Variants in PXDN observed in about 807,000 individuals in gnomAD.
PXDN encodes peroxidasin, also known as peroxidasin homolog.
In PXDN, 77 loss-of-function variants were observed where a neutral mutation model predicts 140.3. That is an observed-to-expected ratio of 0.55 (90% CI 0.46 to 0.66). PXDN has a LOEUF of 0.66. Ranked by LOEUF, PXDN falls within the 30% of genes least tolerant of loss-of-function variation. PXDN has a pLI of 0.00. For missense variants in PXDN, 1,838 were observed against 2,039.5 expected, an observed-to-expected ratio of 0.90 and a Z score of 1.90; for synonymous variants, 911 against 857.4, an observed-to-expected ratio of 1.06 and a Z score of -1.09.
intron 1 of PXDN, among the ~76,000 whole-genome samples, chr2:1,718,984 G>A (rs1684954944): frequency 6.6e-6 from 1 of 152,222 alleles, no homozygotes; most frequent in African/African-American, 2.4e-5. Context: ...GCATGTGAGG[G>A]GCACACCCAG....
chr2:1,635,424 G>A lies in PXDN; in HGVS notation c.4304C>T (p.Thr1435Ile). The stretch of plus-strand genomic sequence containing the variant: ...CATACTCACTTTGCATTCACAAATG[G>A]TGCATGCATCTTTTTTCCACTTGGT... The part of the protein sequence containing the change: ...NNTKWKKDAC[T>I]ICECKDGQVT... The change falls in exon 22 of 23, where the codon ACC becomes ATC. Residue 1435 changes from threonine to isoleucine, a missense_variant. Physicochemically the swap from Thr to Ile is moderately conservative, Grantham distance 89. Transcript: ENST00000252804. The A allele has an allele frequency of 6.3e-7, 1 of 1,591,496 alleles. No individual in the cohort carries two copies. Among genetic ancestry groups the A allele is most frequent in the Non-Finnish European group, 8.6e-7 (1 of 1,167,702 alleles).
chr2:1,705,875 G>A (rs1462019074), intron 1 of PXDN, among the ~76,000 whole-genome samples: 1 of 152,164 alleles, frequency 6.6e-6, no homozygotes, highest in East Asian at 1.9e-4. Context: ...GACGCGTGGA[G>A]TGTCACCAGC....
chr2:1,736,417 C>T (rs946954985), intron 1 of PXDN, among the ~76,000 whole-genome samples: 53 of 152,138 alleles, frequency 3.5e-4, no homozygotes, highest in Non-Finnish European at 3.5e-4. Context: ...GATGGAGGGA[C>T]GGCCAGTCAG....
At chr2:1,659,574 T>C (rs190755697) in intron 14 of PXDN, among the ~76,000 whole-genome samples, 1 of 152,308 alleles carries the variant, frequency 6.6e-6, no homozygotes, top group East Asian at 1.9e-4. Flanking sequence ...AATGATGGTA[T>C]TTTTGGGGGA....
rs1043315994 is a variant in PXDN, at chr2:1,634,218, C to A, written c.4426G>T (p.Glu1476Ter). ...CTCCCAGGAGCCTAGGGCTTTTCCT[C>A]CGCCCTCTTCTGTAAGCAGACTGGA... ...CCPVCLQKRA[E>*]EKP is the part of the protein sequence containing the mutation. The change falls in exon 23 of 23, where the codon GAG becomes TAG. Residue 1476 changes from glutamate (E) to a stop codon, truncating the protein, a stop_gained. Transcript: ENST00000252804. LOFTEE classifies it high-confidence loss of function. 3 of 1,590,304 alleles carry A rather than the reference C, an allele frequency of 1.9e-6. No homozygotes were observed. The South Asian group carries it at 3.5e-5, about 18-fold the overall frequency.
intron 1 of PXDN, among the ~76,000 whole-genome samples, chr2:1,708,184 T>A (rs1219258245): frequency 6.6e-6 from 1 of 152,254 alleles, no homozygotes; most frequent in Non-Finnish European, 1.5e-5. Flanking sequence ...GCTGTCGGCA[T>A]GTGCCCTGGC....
intron 3 of PXDN, among the ~76,000 whole-genome samples, chr2:1,689,887 T>C (rs1684148465): frequency 6.6e-6 from 1 of 151,988 alleles, no homozygotes; most frequent in Non-Finnish European, 1.5e-5. Context: ...TCTCAAGAAA[T>C]AATTTCATTA....
chr2:1,675,958 C>G (rs377498804), intron 8 of PXDN, among the ~76,000 whole-genome samples: 4 of 152,130 alleles, frequency 2.6e-5, no homozygotes, highest in Admixed American at 1.3e-4. Context: ...GCTGTCCTCA[C>G]GCAGGCAGAT....
At position 1,649,052 on chromosome 2, in the gene PXDN, T is replaced by C. The variant is rs1682936967; in HGVS notation, c.2728A>G (p.Ile910Val). 6.2e-7 allele frequency: 1 copy of C among 1,612,184 alleles called. No homozygotes were observed. Among genetic ancestry groups the C allele is most frequent in the Non-Finnish European group, 8.5e-7 (1 of 1,179,530 alleles). ...CTCCCGTACACGTTGGATGCGTCTA[T>C]GTAGGAGGTGAGCTGGTTGATCTGC... ...REQINQLTSY[I>V]DASNVYGSTE... Residue 910 changes from isoleucine to valine, a missense_variant, in exon 17 of 23, where the codon ATA (isoleucine) becomes GTA (valine). Transcript: ENST00000252804. This position sits in a 1 kb window ranked among gnomAD's most constrained non-coding sequence, Gnocchi z 7.1.
At chr2:1,676,854 T>C (rs890467647) in intron 8 of PXDN, 73 bp downstream of exon 8, 9 of 1,364,956 alleles carry the variant, frequency 6.6e-6, no homozygotes, top group South Asian at 3.7e-5. Flanking sequence ...TGGTGGGGAG[T>C]GAGGTGTGGT....
chr2:1,733,298 A>G (rs1243668681), intron 1 of PXDN, among the ~76,000 whole-genome samples: 1 of 152,194 alleles, frequency 6.6e-6, no homozygotes, highest in Admixed American at 6.5e-5. Context: ...ACACAGAGAA[A>G]ACCACACCAA....
chr2:1,738,290 A>G (rs1318062586), intron 1 of PXDN, among the ~76,000 whole-genome samples: 2 of 152,212 alleles, frequency 1.3e-5, no homozygotes, highest in Non-Finnish European at 2.9e-5. Context: ...ACTAAAGACC[A>G]GAGGCCAGCA....
rs181244290 is a variant in PXDN, at chr2:1,741,690, G to A, written c.200+2566C>T. 4.8e-3 allele frequency among the ~76,000 whole-genome samples: 725 copies of A among 152,110 alleles called. 6 individuals carry two copies. The highest frequency in any genetic ancestry group is 7.4e-3 in the Non-Finnish European group (500 of 68,004). On this transcript the variant is annotated intron_variant, in intron 1 of 22. Transcript: ENST00000252804. ...GGTGAGTCTCTAAAAGCAAAGGGAC[G>A]GTGTGATGGTTGGATGAGCCAACTA...
At position 1,674,885 on chromosome 2, in the gene PXDN, G is replaced by A. The variant is rs138928595; in HGVS notation, c.849-1073C>T. Among the ~76,000 whole-genome samples, 561 of 152,226 alleles carry A rather than the reference G, an allele frequency of 3.7e-3. 5 individuals carry two copies. The highest frequency in any genetic ancestry group is 5.5e-3 in the Non-Finnish European group (376 of 68,004). ...TCCACGCGAGTTTCCTAAGGAGCCT[G>A]TGCAGCCTGGACCAAGCTGGGTCGC... is the stretch of plus-strand genomic sequence containing the variant. On this transcript the variant is annotated intron_variant, in intron 8 of 22. Transcript: ENST00000252804.
rs906446489 is a variant in PXDN, at chr2:1,744,397, C to G, written c.59G>C (p.Cys20Ser). 1.7e-5 allele frequency: 26 copies of G among 1,520,106 alleles called. No individual in the cohort carries two copies. The highest frequency in any genetic ancestry group is 2.0e-5 in the Non-Finnish European group (23 of 1,140,834). 94.2% of individuals were successfully genotyped at this position (1,520,106 alleles called of 1,614,324 possible). Residue 20 changes from cysteine (C) to serine (S), a missense_variant, in exon 1 of 23, where the codon TGC becomes TCC. Transcript: ENST00000252804. ...CACCACGGCCAGCGTCCCCCAGGCG[C>G]AGAACAGCACGAGCGCCAACAGGCA... is the stretch of plus-strand genomic sequence containing the variant. The part of the protein sequence containing the change: ...RRCLLALVLF[C>S]AWGTLAVVAQ...
chr2:1,680,123 T>C, intron 7 of PXDN, 70 bp downstream of exon 7: 1 of 1,431,786 alleles, frequency 7.0e-7, no homozygotes, highest in Non-Finnish European at 9.4e-7. Flanking sequence ...GTGTAGATGG[T>C]GTGTGTGTGG....
Position 1,664,991 on chromosome 2 carries a change from T to C in PXDN, c.1375A>G (p.Asn459Asp). The change falls in exon 11 of 23, where the codon AAC (asparagine) becomes GAC (aspartate). Residue 459 changes from asparagine to aspartate, a missense_variant. Asn to Asp is a conservative substitution (Grantham distance 23). This residue lies in a region of PXDN where 537 missense variants were observed against 583.9 expected (regional missense o/e 0.92). Coordinates refer to ENST00000252804, the MANE Select transcript of PXDN (RefSeq NM_012293.3). ...TVDFQCEAKG[N>D]PPPVIAWTKG... ...GTCCAGGCGATGACGGGCGGCGGGTTGCCCTTGGCTTCACACTGGAAATCC... is the reference window on the plus strand; with the variant it reads ...GTCCAGGCGATGACGGGCGGCGGGTCGCCCTTGGCTTCACACTGGAAATCC... The C allele has an allele frequency of 6.2e-7, 1 of 1,612,438 alleles. No individual in the cohort carries two copies. The highest frequency in any genetic ancestry group is 8.5e-7 in the Non-Finnish European group (1 of 1,179,234).
chr2:1,635,710 C>A, intron 21 of PXDN, 189 bp from the exon 22 acceptor site: 1 of 596,844 alleles, frequency 1.7e-6, no homozygotes, highest in Non-Finnish European at 3.0e-6. Flanking sequence ...CCACACGCCC[C>A]AATGGAAGAC....
At chr2:1,666,765 A>T (rs1242000636) in intron 9 of PXDN, among the ~76,000 whole-genome samples, 1 of 152,104 alleles carries the variant, frequency 6.6e-6, no homozygotes, top group Non-Finnish European at 1.5e-5. Flanking sequence ...CATGTGCCGA[A>T]CTCCATGGAG....
Sources: allele counts gnomAD v4.1 joint callset (sites outside exome capture counted in the v4.1 genomes callset), GRCh38; gene constraint gnomAD v4.1.1; regional missense constraint gnomAD v4.1.1; non-coding constraint Gnocchi (gnomAD v3.1); transcripts MANE v1.5; gene names NCBI Gene and HGNC (gene_info 2026-07-23, HGNC 2026-07-21).